Variants in PDZD2 observed in about 807,000 individuals in gnomAD.
PDZD2 encodes the protein PDZ domain containing 2.
PDZD2 carries 90 observed loss-of-function variants against 220.7 expected under a neutral mutation model. That is an observed-to-expected ratio of 0.41 (90% CI 0.34 to 0.49). PDZD2 has a LOEUF of 0.49. Ranked by LOEUF, PDZD2 falls within the 20% of genes least tolerant of loss-of-function variation. PDZD2 has a pLI of 0.28. For synonymous variants in PDZD2, 1,375 were observed against 1,450.5 expected, an observed-to-expected ratio of 0.95 and a Z score of 1.18; for missense variants, 3,174 against 3,608.5, an observed-to-expected ratio of 0.88 and a Z score of 3.08.
intron 2 of PDZD2, among the ~76,000 whole-genome samples, chr5:31,823,881 G>A (rs914380683): frequency 2.0e-5 from 3 of 152,184 alleles, no homozygotes; most frequent in Non-Finnish European, 2.9e-5. Flanking sequence ...TGGATTGGAC[G>A]CAATAGTAAA....
intron 2 of PDZD2, among the ~76,000 whole-genome samples, chr5:31,887,473 G>A (rs1740615631): frequency 6.6e-6 from 1 of 152,160 alleles, no homozygotes; most frequent in South Asian, 2.1e-4. Flanking sequence ...GTTTCATTTT[G>A]CTTTTTGAGA....
intron 6 of PDZD2, among the ~76,000 whole-genome samples, chr5:32,022,364 A>C (rs1242267475): frequency 7.3e-6 from 1 of 137,372 alleles, no homozygotes. Context: ...CTCACAGCTA[A>C]TTTTTTTTTT....
intron 6 of PDZD2, among the ~76,000 whole-genome samples, chr5:32,026,239 C>A (rs1321534512): frequency 6.6e-6 from 1 of 151,686 alleles, no homozygotes. Context: ...TGGGCTCAAG[C>A]TATTCTTCCA....
At chr5:31,680,734 C>A (rs938350796) in intron 1 of PDZD2, among the ~76,000 whole-genome samples, 1 of 152,138 alleles carries the variant, frequency 6.6e-6, no homozygotes, top group Non-Finnish European at 1.5e-5. Flanking sequence ...TATTCCACTG[C>A]CCTCTGGAAA....
At chr5:31,762,391 G>A (rs1236065768) in intron 1 of PDZD2, among the ~76,000 whole-genome samples, 2 of 152,226 alleles carry the variant, frequency 1.3e-5, no homozygotes, top group East Asian at 1.9e-4. Context: ...GGGTTCAAGC[G>A]ATTCTCCTTC....
At chr5:32,037,002 C>G (rs1755608385) in intron 6 of PDZD2, among the ~76,000 whole-genome samples, 1 of 152,138 alleles carries the variant, frequency 6.6e-6, no homozygotes, top group Non-Finnish European at 1.5e-5. Flanking sequence ...GACTGGGGGC[C>G]CCTGGTTCCA....
chr5:31,943,726 C>T (rs2111556553), intron 2 of PDZD2, among the ~76,000 whole-genome samples: 1 of 152,306 alleles, frequency 6.6e-6, no homozygotes, highest in Middle Eastern at 3.4e-3. Flanking sequence ...CTAAATCAGA[C>T]AGAGAGACAG....
In PDZD2 at chr5:31,686,304, T is replaced by G. The variant is rs144742294; in HGVS notation, c.-361+46867T>G. Among the ~76,000 whole-genome samples the G allele has an allele frequency of 9.6e-3, 1,458 of 152,220 alleles. 20 individuals carry two copies. Among genetic ancestry groups the G allele is most frequent in the African/African-American group, 0.034 (1,403 of 41,548 alleles). The stretch of plus-strand genomic sequence containing the variant: ...TGATAGTTTTTAAGTTATTTTCTAA[T>G]AGGTTAGGCATGTTTCTTATTGAAT... On this transcript the variant is annotated intron_variant, in intron 1 of 24. Coordinates refer to ENST00000438447, the MANE Select transcript of PDZD2 (RefSeq NM_178140.4).
At chr5:31,684,926 T>A (rs1358566444) in intron 1 of PDZD2, among the ~76,000 whole-genome samples, 6 of 152,236 alleles carry the variant, frequency 3.9e-5, no homozygotes, top group Non-Finnish European at 8.8e-5. Flanking sequence ...CTTGGCACTA[T>A]GTAGATGTTC....
intron 1 of PDZD2, among the ~76,000 whole-genome samples, chr5:31,781,836 C>T (rs1030622259): frequency 6.6e-6 from 1 of 152,076 alleles, no homozygotes; most frequent in Admixed American, 6.6e-5. Context: ...GTCAGTTGGC[C>T]AGAGGGGACT....
intron 2 of PDZD2, among the ~76,000 whole-genome samples, chr5:31,854,328 C>A (rs574046874): frequency 1.6e-4 from 24 of 152,246 alleles, no homozygotes; most frequent in African/African-American, 5.8e-4. Flanking sequence ...GTTGACTGAA[C>A]CCCACAGAAG....
At chr5:31,756,551 G>A (rs1751318580) in intron 1 of PDZD2, among the ~76,000 whole-genome samples, 1 of 152,220 alleles carries the variant, frequency 6.6e-6, no homozygotes, top group African/African-American at 2.4e-5. Context: ...GGACACTCTA[G>A]TGCTTGGTGG....
chr5:31,745,162 CCTT>C (rs1288989312), intron 1 of PDZD2, among the ~76,000 whole-genome samples: 1 of 152,096 alleles, frequency 6.6e-6, no homozygotes, highest in Non-Finnish European at 1.5e-5. Flanking sequence ...TGTCTCAGTG[CCTT>C]CTTTTTAATG....
intron 7 of PDZD2, among the ~76,000 whole-genome samples, chr5:32,040,444 C>T (rs556746074): frequency 1.4e-4 from 21 of 147,512 alleles, no homozygotes; most frequent in African/African-American, 5.3e-4. Context: ...GACTGCCCAT[C>T]GTCTGCGATG....
intron 1 of PDZD2, among the ~76,000 whole-genome samples, chr5:31,700,200 A>G (rs1747555694): frequency 6.6e-6 from 1 of 152,158 alleles, no homozygotes; most frequent in Non-Finnish European, 1.5e-5. Context: ...AAGGCAAGTT[A>G]GGCCTAGAGG....
chr5:31,788,135 C>T (rs1205724890), intron 1 of PDZD2, among the ~76,000 whole-genome samples: 1 of 152,168 alleles, frequency 6.6e-6, no homozygotes, highest in East Asian at 1.9e-4. Context: ...CTTTGGGAGG[C>T]CAAGGCGGGT....
chr5:31,944,353 A>G (rs2111559210), intron 2 of PDZD2, among the ~76,000 whole-genome samples: 1 of 152,308 alleles, frequency 6.6e-6, no homozygotes, highest in South Asian at 2.1e-4. Context: ...GCCTCTCCCC[A>G]GGTGACTGGG....
intron 2 of PDZD2, among the ~76,000 whole-genome samples, chr5:31,936,999 C>T (rs1039207333): frequency 3.3e-5 from 5 of 152,128 alleles, no homozygotes; most frequent in Non-Finnish European, 5.9e-5. Flanking sequence ...GTCACAGTGA[C>T]GTTTCACACT....
intron 2 of PDZD2, among the ~76,000 whole-genome samples, chr5:31,856,928 ATATATAT>A (rs1758502252): frequency 1.4e-5 from 2 of 146,890 alleles, no homozygotes; most frequent in African/African-American, 2.5e-5. Flanking sequence ...ATATATATAT[ATATATAT>A]AACTTTAAAA....
Sources: allele counts gnomAD v4.1 joint callset (sites outside exome capture counted in the v4.1 genomes callset), GRCh38; gene constraint gnomAD v4.1.1; transcripts MANE v1.5; gene names NCBI Gene and HGNC (gene_info 2026-07-23, HGNC 2026-07-21).